OPLAH: variants seen among roughly 807,000 people sequenced by gnomAD.
The protein encoded by OPLAH is 5-oxoprolinase.
Under a neutral mutation model 122.8 loss-of-function variants are expected in OPLAH, and 103 were observed. That is an observed-to-expected ratio of 0.84 (90% CI 0.71 to 0.99). The LOEUF is 0.99. OPLAH is among the 50% of genes least tolerant of loss of function. The probability of loss-of-function intolerance (pLI) is 0.00; values close to 1 mark genes in which losing one functional copy is unlikely to be tolerated. For synonymous variants in OPLAH, 875 were observed against 796.0 expected, an observed-to-expected ratio of 1.10 and a Z score of -1.67; for missense variants, 1,902 against 1,836.5, an observed-to-expected ratio of 1.04 and a Z score of -0.65.
chr8:144,053,748 G>C (rs937665578), intron 19 of OPLAH, among the ~76,000 whole-genome samples: 2 of 151,760 alleles, frequency 1.3e-5, no homozygotes, highest in African/African-American at 4.8e-5. Context: ...CTCCACCCTG[G>C]CCACGCCACT....
chr8:144,053,510 G>A lies in OPLAH; in HGVS notation c.2687-117C>T. On this transcript the variant is annotated intron_variant, in intron 19 of 26. Transcript: ENST00000618853. ...TAGAAAGCACCGAGGCCTGGCCTGGGACTGCTCAGCACCTCAGGAAAGCCC... is the reference window on the plus strand; with the variant it reads ...TAGAAAGCACCGAGGCCTGGCCTGGAACTGCTCAGCACCTCAGGAAAGCCC... 1.0e-5 allele frequency: 10 copies of A among 1,003,986 alleles called. No homozygotes were observed. The South Asian group carries it at 1.4e-4, about 14-fold the overall frequency. The allele number at this position is 1,003,986 out of a possible 1,614,324, so 62.2% of individuals were successfully genotyped here. A position where few individuals can be genotyped will look rare whatever the true frequency, so the allele number is the denominator to read the frequency against.
At position 144,053,036 on chromosome 8, in the gene OPLAH, G is replaced by A; in HGVS notation, c.2965C>T (p.His989Tyr). 6.2e-7 allele frequency: 1 copy of A among 1,603,146 alleles called. No homozygotes were observed. Among genetic ancestry groups the A allele is most frequent in the Non-Finnish European group, 8.5e-7 (1 of 1,176,028 alleles). Reference protein sequence around the residue: ...GLPLEVSSEDHMDDGSPIRLR... With the variant: ...GLPLEVSSEDYMDDGSPIRLR... ...CGGATGGGGGAACCGTCGTCCATGT[G>A]GTCTTCCGAGGACACCTCCAGGGGC... is the stretch of plus-strand genomic sequence containing the variant. The change falls in exon 21 of 27, where the codon CAC becomes TAC. Residue 989 changes from histidine (H) to tyrosine (Y), a missense_variant. His to Tyr is a moderately conservative substitution (Grantham distance 83, BLOSUM62 2). Transcript: ENST00000618853.
rs2129776234 is a variant in OPLAH, at chr8:144,054,577, GC to G, written c.2669del (p.Gly890AlafsTer8). ...CCCACTCACCCTCCTCCTGGAAGAC[GC>G]CCCCCTGGACAAGTTTGAAGGACAG... ...VFLSFKLVQG[G>X]VFQEEAVTEA... On this transcript the variant is annotated frameshift_variant, in exon 19 of 27. Coordinates refer to ENST00000618853, the MANE Select transcript of OPLAH (RefSeq NM_017570.5). LOFTEE classifies it high-confidence loss of function. 1.3e-6 allele frequency: 2 copies of G among 1,590,912 alleles called. No homozygotes were observed. Among genetic ancestry groups the G allele is most frequent in the South Asian group, 1.1e-5 (1 of 89,690 alleles).
rs782158791 is a variant in OPLAH, at chr8:144,055,875, C to T, written c.2161G>A (p.Val721Met). 1.1e-5 allele frequency: 18 copies of T among 1,583,442 alleles called. No individual in the cohort carries two copies. The highest frequency in any genetic ancestry group is 4.0e-5 in the African/African-American group (3 of 74,334). ...ACTGTGCCGGGGACTTCGGCCCCCA[C>T]GGAGATGCAGATGTCCCCTGTCTTG... ...VTKTGDICIS[V>M]GAEVPGTVGP... The change falls in exon 16 of 27, where the codon GTG becomes ATG. Residue 721 changes from valine to methionine, a missense_variant. This residue lies in a region of OPLAH where 1,726 missense variants were observed against 1,642.1 expected (regional missense o/e 1.05). Transcript: ENST00000618853. The surrounding 1 kb of genome is among the most constrained non-coding windows in gnomAD (Gnocchi z 6.5).
rs375010602 is a variant in OPLAH at position 144,058,138 on chromosome 8, C to G, written c.960G>C (p.Thr320=). 2 of 1,612,276 alleles carry G rather than the reference C, an allele frequency of 1.2e-6. No individual in the cohort carries two copies. The highest frequency in any genetic ancestry group is 4.5e-5 in the East Asian group (2 of 44,884). Residue 320 remains threonine (T), a synonymous_variant, in exon 8 of 27, where the codon ACG becomes ACC. Coordinates refer to ENST00000618853, the MANE Select transcript of OPLAH (RefSeq NM_017570.5). ...VIGFDMGGTS[T]DVSRYAGEFE... is the part of the protein sequence containing the mutation. Reference sequence around the variant, plus strand: ...ATTCCCCAGCATAGCGGCTCACATCCGTGGACGTGCCTGGCAGGGGTGGGG... The same window carrying G: ...ATTCCCCAGCATAGCGGCTCACATCGGTGGACGTGCCTGGCAGGGGTGGGG...
Position 144,055,103 on chromosome 8 carries a change from C to T in OPLAH, c.2335G>A (p.Asp779Asn), listed in dbSNP as rs565834469. The stretch of plus-strand genomic sequence containing the variant: ...GGGGCATTGGACACCAGCCCCCCAT[C>T]GGGCCCAAAGAGGGCACAGGAGAAG... ...LDFSCALFGP[D>N]GGLVSNAPHI... Residue 779 changes from aspartate to asparagine, a missense_variant, in exon 17 of 27, where the codon GAT (aspartate) becomes AAT (asparagine). By Grantham distance (23) the Asp-to-Asn change is conservative. Coordinates refer to ENST00000618853, the MANE Select transcript of OPLAH (RefSeq NM_017570.5). This position sits in a 1 kb window ranked among gnomAD's most constrained non-coding sequence, Gnocchi z 6.5. 3.1e-5 allele frequency: 49 copies of T among 1,582,622 alleles called. No homozygotes were observed. In the South Asian group the frequency reaches 4.5e-4, roughly 15 times the overall value.
At position 144,055,714 on chromosome 8, in the gene OPLAH, G is replaced by T; in HGVS notation, c.2248+74C>A. On this transcript the variant is annotated intron_variant, in intron 16 of 26. Transcript: ENST00000618853. The surrounding 1 kb of genome is among the most constrained non-coding windows in gnomAD (Gnocchi z 6.5). ...GGTCCTGCTTCTGCCTCTCCCTTTG[G>T]GCACAGCCCTGCCAGCTACCCCATG... The T allele has an allele frequency of 7.1e-7, 1 of 1,407,224 alleles. No individual in the cohort carries two copies. The highest frequency in any genetic ancestry group is 9.3e-7 in the Non-Finnish European group (1 of 1,077,188). The allele number at this position is 1,407,224 out of a possible 1,614,324, so 87.2% of individuals were successfully genotyped here. A position where few individuals can be genotyped will look rare whatever the true frequency, so the allele number is the denominator to read the frequency against.
At chr8:144,054,352 C>T (rs1564289382) in intron 19 of OPLAH, among the ~76,000 whole-genome samples, 1 of 152,212 alleles carries the variant, frequency 6.6e-6, no homozygotes, top group African/African-American at 2.4e-5. Context: ...AACCACCCCT[C>T]GGGAGGCCTT....
intron 15 of OPLAH, 66 bp downstream of exon 15, chr8:144,056,081 A>G (rs1377077144): frequency 6.5e-7 from 1 of 1,547,044 alleles, no homozygotes; most frequent in Non-Finnish European, 8.8e-7. Context: ...GGGCCAGAGA[A>G]CCCTGCACCA....
At chr8:144,061,656 C>A (rs1179384310), upstream of OPLAH, among the ~76,000 whole-genome samples, 1 of 152,248 alleles carries the variant, frequency 6.6e-6, no homozygotes, top group Non-Finnish European at 1.5e-5. Context: ...CACGAAGTTA[C>A]CCTATATGGT....
chr8:144,059,578 C>T, intron 3 of OPLAH, 21 bp downstream of exon 3: 2 of 1,588,366 alleles, frequency 1.3e-6, no homozygotes, highest in Non-Finnish European at 1.7e-6. Context: ...CAGCCTGGTC[C>T]CCAGCCAACA....
At position 144,053,228 on chromosome 8, in the gene OPLAH, G is replaced by A. The variant is rs1166606584; in HGVS notation, c.2852C>T (p.Ala951Val). ...GCCCACCTGAATATGGCCCATGTAG[G>A]CCTGCACCACGTCCAGGCCGTACTG... The part of the protein sequence containing the change: ...IGQYGLDVVQ[A>V]YMGHIQANAE... The change falls in exon 20 of 27, where the codon GCC becomes GTC. Residue 951 changes from alanine to valine, a missense_variant. Coordinates refer to ENST00000618853, the MANE Select transcript of OPLAH (RefSeq NM_017570.5). 35 of 1,612,688 alleles carry A rather than the reference G, an allele frequency of 2.2e-5. No individual in the cohort carries two copies. Among genetic ancestry groups the A allele is most frequent in the Non-Finnish European group, 2.6e-5 (31 of 1,179,786 alleles).
upstream of OPLAH, chr8:144,063,828 T>G (rs1554761274): frequency 6.6e-6 from 1 of 152,430 alleles, no homozygotes; most frequent in Admixed American, 6.5e-5. This position sits in a 1 kb window ranked among gnomAD's most constrained non-coding sequence, Gnocchi z 4.2. Context: ...CAGCTTCAGC[T>G]CCTGGTTCTC....
chr8:144,063,462 T>C (rs1439640403), upstream of OPLAH, among the ~76,000 whole-genome samples: 2 of 152,098 alleles, frequency 1.3e-5, no homozygotes, highest in African/African-American at 4.8e-5. The surrounding 1 kb of genome is among the most constrained non-coding windows in gnomAD (Gnocchi z 4.2). Context: ...CACAGACAAC[T>C]TGCACCCACC....
chr8:144,051,453 G>C lies in OPLAH; in HGVS notation c.3740C>G (p.Thr1247Arg). Residue 1247 changes from threonine (T) to arginine (R), a missense_variant, in exon 27 of 27, where the codon ACG (threonine) becomes AGG (arginine). By Grantham distance (71) the Thr-to-Arg change is moderately conservative. This residue lies in a region of OPLAH where 1,726 missense variants were observed against 1,642.1 expected (regional missense o/e 1.05). Coordinates refer to ENST00000618853, the MANE Select transcript of OPLAH (RefSeq NM_017570.5). ...GTCCCCATAGCCACCGCCGCCGGGCGTGTGGAGACAGAACACATCCTGTTG... is the reference window on the plus strand; with the variant it reads ...GTCCCCATAGCCACCGCCGCCGGGCCTGTGGAGACAGAACACATCCTGTTG... ...VYPGDVFCLH[T>R]PGGGGYGDPE... The C allele has an allele frequency of 6.5e-7, 1 of 1,535,736 alleles. No homozygotes were observed. Among genetic ancestry groups the C allele is most frequent in the Non-Finnish European group, 8.7e-7 (1 of 1,146,254 alleles).
Position 144,056,498 on chromosome 8 carries a change from T to A in OPLAH, c.1870A>T (p.Ile624Leu). 1 of 1,611,838 alleles carries A rather than the reference T, an allele frequency of 6.2e-7. No individual in the cohort carries two copies. Residue 624 changes from isoleucine (I) to leucine (L), a missense_variant, in exon 14 of 27, where the codon ATA (isoleucine) becomes TTA (leucine). Ile to Leu is a conservative substitution (Grantham distance 5). Coordinates refer to ENST00000618853, the MANE Select transcript of OPLAH (RefSeq NM_017570.5). ...ERYMREFGFV[I>L]PERPVVVDDV... ...TCCACGACCACCGGCCGCTCAGGTA[T>A]GACAAAGCCAAACTCCCTCATGTAC...
intron 3 of OPLAH, among the ~76,000 whole-genome samples, 187 bp downstream of exon 3, chr8:144,059,411 CA>C (rs1363864766): frequency 2.0e-5 from 3 of 152,234 alleles, no homozygotes; most frequent in Non-Finnish European, 4.4e-5. Context: ...CAGGCAGGAA[CA>C]GGGCATCCTG....
At chr8:144,061,562 G>T (rs1835663977), upstream of OPLAH, among the ~76,000 whole-genome samples, 1 of 152,026 alleles carries the variant, frequency 6.6e-6, no homozygotes, top group Admixed American at 6.5e-5. Context: ...ACAGGTTGCA[G>T]TAAAGAAGTT....
At chr8:144,059,130 G>T in intron 3 of OPLAH, 51 bp from the exon 4 acceptor site, 1 of 1,434,244 alleles carries the variant, frequency 7.0e-7, no homozygotes, top group Non-Finnish European at 9.5e-7. Context: ...GGTCCAGGCC[G>T]GGGTCCTGTG....
Sources: allele counts gnomAD v4.1 joint callset (sites outside exome capture counted in the v4.1 genomes callset), GRCh38; gene constraint gnomAD v4.1.1; regional missense constraint gnomAD v4.1.1; non-coding constraint Gnocchi (gnomAD v3.1); transcripts MANE v1.5; gene names NCBI Gene and HGNC (gene_info 2026-07-23, HGNC 2026-07-21).